Variants in EGFR observed in about 807,000 individuals in gnomAD.
EGFR encodes the protein epidermal growth factor receptor, also known as avian erythroblastic leukemia viral (v-erb-b) oncogene homolog.
In EGFR, 58 loss-of-function variants were observed where a neutral mutation model predicts 143.0. The observed-to-expected ratio is 0.41, with a 90% CI of 0.33 to 0.50. The LOEUF (loss-of-function observed/expected upper bound fraction) is 0.50. Ranked by LOEUF, EGFR falls within the 20% of genes least tolerant of loss-of-function variation. The probability of loss-of-function intolerance (pLI) is 0.39; values close to 1 mark genes in which losing one functional copy is unlikely to be tolerated. For missense variants in EGFR, 1,307 were observed against 1,579.0 expected (o/e 0.83, Z 2.92); for synonymous variants, 613 against 594.4 (o/e 1.03, Z -0.45).
In EGFR at chr7:55,205,382, T is replaced by A. The variant is rs776448547; in HGVS notation, c.3398T>A (p.Val1133Glu). 6.2e-7 allele frequency: 1 copy of A among 1,613,990 alleles called. No homozygotes were observed. Among genetic ancestry groups the A allele is most frequent in the South Asian group, 1.1e-5 (1 of 91,044 alleles). ...TACCAGGACCCCCACAGCACTGCAG[T>A]GGGCAACCCCGAGTATCTCAACACT... ...PHYQDPHSTAVGNPEYLNTVQ... is the reference protein window; with the variant it reads ...PHYQDPHSTAEGNPEYLNTVQ... The change falls in exon 28 of 28, where the codon GTG becomes GAG. Residue 1133 changes from valine (V) to glutamate (E), a missense_variant. Physicochemically the swap from Val to Glu is moderately radical, Grantham distance 121 (BLOSUM62 -2). Around this residue, in one of 7 missense-constraint regions of EGFR, gnomAD observed 313 missense variants for 312.3 expected, o/e 1.00. Coordinates refer to ENST00000275493, the MANE Select transcript of EGFR (RefSeq NM_005228.5).
chr7:55,091,080 G>C (rs1791078797), intron 1 of EGFR, among the ~76,000 whole-genome samples: 1 of 152,198 alleles, frequency 6.6e-6, no homozygotes, highest in Non-Finnish European at 1.5e-5. Flanking sequence ...CAGTGTGCAA[G>C]ATCGCTGAGT....
intron 20 of EGFR, among the ~76,000 whole-genome samples, chr7:55,189,414 CCAGT>C (rs905615367): frequency 1.6e-4 from 12 of 75,098 alleles, no homozygotes; most frequent in African/African-American, 4.4e-4. Flanking sequence ...GCTGCTATCA[CCAGT>C]CATTCAATCA....
At chr7:55,178,313 T>C (rs1786695001) in intron 19 of EGFR, among the ~76,000 whole-genome samples, 1 of 152,206 alleles carries the variant, frequency 6.6e-6, no homozygotes, top group Non-Finnish European at 1.5e-5. Flanking sequence ...GTATTAAATT[T>C]TCATAGGCTT....
intron 1 of EGFR, among the ~76,000 whole-genome samples, chr7:55,040,952 T>C (rs1488554901): frequency 6.6e-6 from 1 of 152,236 alleles, no homozygotes; most frequent in Non-Finnish European, 1.5e-5. Context: ...TGGAGTCCTA[T>C]GTGGAAATCA....
chr7:55,209,469 T>C lies in EGFR; in HGVS notation c.*3852T>C, dbSNP rs977982791. 6.6e-6 allele frequency: 1 copy of C among 152,242 alleles called. No homozygotes were observed. The highest frequency in any genetic ancestry group is 1.5e-5 in the Non-Finnish European group (1 of 68,050). 9.4% of individuals were successfully genotyped at this position (152,242 alleles called of 1,614,324 possible). On this transcript the variant is annotated 3_prime_UTR_variant, in exon 28 of 28. Transcript: ENST00000275493. ...CCCTCTGCATTCTCTAAGTAAGTTA[T>C]AGAAACCAGTCTCTTCCCTCCTTTG...
chr7:55,109,387 T>A (rs1011884164), intron 1 of EGFR, among the ~76,000 whole-genome samples: 6 of 152,084 alleles, frequency 3.9e-5, no homozygotes, highest in Admixed American at 6.5e-5. Flanking sequence ...GGTGTTGGGA[T>A]GTGTTCCCAG....
intron 19 of EGFR, among the ~76,000 whole-genome samples, chr7:55,177,837 A>G (rs1484579555): frequency 6.6e-6 from 1 of 152,250 alleles, no homozygotes; most frequent in African/African-American, 2.4e-5. Context: ...AATACCAAGC[A>G]TGCTTGCTGT....
intron 1 of EGFR, among the ~76,000 whole-genome samples, chr7:55,081,327 T>C (rs1395228330): frequency 6.6e-6 from 1 of 152,062 alleles, no homozygotes; most frequent in Non-Finnish European, 1.5e-5. Flanking sequence ...CTGTGGACGG[T>C]TGGAGGGGGC....
intron 1 of EGFR, among the ~76,000 whole-genome samples, chr7:55,099,675 C>T (rs1483992462): frequency 6.6e-6 from 1 of 152,184 alleles, no homozygotes. Context: ...GGCTTCTTGC[C>T]TGGCTGGGAG....
chr7:55,078,496 T>G (rs2128888402), intron 1 of EGFR, among the ~76,000 whole-genome samples: 1 of 152,320 alleles, frequency 6.6e-6, no homozygotes, highest in Middle Eastern at 3.4e-3. Flanking sequence ...TTTATGTGCG[T>G]CCTCCTCCTT....
At chr7:55,190,254 G>A (rs894727218) in intron 20 of EGFR, among the ~76,000 whole-genome samples, 24 of 152,070 alleles carry the variant, frequency 1.6e-4, no homozygotes, top group Non-Finnish European at 2.1e-4. Flanking sequence ...CAGCAGCATC[G>A]GAAACCCGTA....
At chr7:55,025,178 T>C (rs1786809432) in intron 1 of EGFR, among the ~76,000 whole-genome samples, 1 of 152,182 alleles carries the variant, frequency 6.6e-6, no homozygotes, top group Non-Finnish European at 1.5e-5. Context: ...TGAACTGACA[T>C]GCTGTGTTTG....
intron 1 of EGFR, among the ~76,000 whole-genome samples, chr7:55,072,096 C>T (rs561190081): frequency 1.3e-4 from 10 of 76,936 alleles, no homozygotes; most frequent in Non-Finnish European, 3.5e-4. Flanking sequence ...CCTGGTTAGG[C>T]CTTGGAATCC....
At chr7:55,092,851 C>T (rs1207889880) in intron 1 of EGFR, among the ~76,000 whole-genome samples, 6 of 152,228 alleles carry the variant, frequency 3.9e-5, no homozygotes, top group Non-Finnish European at 1.5e-5. Context: ...AAATATGGTT[C>T]TGATGATGTT....
chr7:55,111,371 T>G (rs1243124261), intron 1 of EGFR, among the ~76,000 whole-genome samples: 2 of 85,378 alleles, frequency 2.3e-5, no homozygotes, highest in South Asian at 3.1e-4. Context: ...GACGTTTTGT[T>G]TTTTTTTTTT....
At position 55,160,191 on chromosome 7, in the gene EGFR, C is replaced by T. The variant is rs377567759; in HGVS notation, c.1351C>T (p.Arg451Cys). 6.2e-6 allele frequency: 10 copies of T among 1,613,992 alleles called. No individual in the cohort carries two copies. Among genetic ancestry groups the T allele is most frequent in the African/African-American group, 1.3e-5 (1 of 74,916 alleles). Residue 451 changes from arginine to cysteine, a missense_variant, in exon 12 of 28, where the codon CGC becomes TGC. Arg to Cys is a radical substitution (Grantham distance 180, BLOSUM62 -3). Coordinates refer to ENST00000275493, the MANE Select transcript of EGFR (RefSeq NM_005228.5). ...VSLNITSLGLRSLKEISDGDV... is the reference protein window; with the variant it reads ...VSLNITSLGLCSLKEISDGDV... Reference sequence around the variant, plus strand: ...CCTGAACATAACATCCTTGGGATTACGCTCCCTCAAGGAGATAAGTGATGG... The same window carrying T: ...CCTGAACATAACATCCTTGGGATTATGCTCCCTCAAGGAGATAAGTGATGG...
chr7:55,036,973 G>A (rs1787621195), intron 1 of EGFR, among the ~76,000 whole-genome samples: 1 of 152,142 alleles, frequency 6.6e-6, no homozygotes. Flanking sequence ...CATAGGGAGG[G>A]GGAAGAGAAA....
At chr7:55,170,988 T>G in intron 15 of EGFR, 187 bp from the exon 16 acceptor site, 2 of 1,457,716 alleles carry the variant, frequency 1.4e-6, no homozygotes, top group Non-Finnish European at 1.8e-6. Context: ...ATTTGCTGAG[T>G]GAATGAACAA....
Position 55,201,254 on chromosome 7 carries a change from G to C in EGFR, c.3013G>C (p.Glu1005Gln), listed in dbSNP as rs2128971601. ...SNFYRALMDE[E>Q]DMDDVVDADE... ...CTTCTACCGTGCCCTGATGGATGAA[G>C]AAGACATGGACGACGTGGTGGATGC... The change falls in exon 25 of 28, where the codon GAA (glutamate) becomes CAA (glutamine). Residue 1005 changes from glutamate (E) to glutamine (Q), a missense_variant. Glu to Gln is a conservative substitution (Grantham distance 29). Coordinates refer to ENST00000275493, the MANE Select transcript of EGFR (RefSeq NM_005228.5). 1 of 1,614,184 alleles carries C rather than the reference G, an allele frequency of 6.2e-7. No homozygotes were observed. Among genetic ancestry groups the C allele is most frequent in the Non-Finnish European group, 8.5e-7 (1 of 1,180,040 alleles).
Sources: allele counts gnomAD v4.1 joint callset (sites outside exome capture counted in the v4.1 genomes callset), GRCh38; gene constraint gnomAD v4.1.1; regional missense constraint gnomAD v4.1.1; transcripts MANE v1.5; gene names NCBI Gene and HGNC (gene_info 2026-07-23, HGNC 2026-07-21).